Variants in TRAK2 observed in about 807,000 individuals in gnomAD.
The protein encoded by TRAK2 is trafficking kinesin protein 2.
In TRAK2, 81 loss-of-function variants were observed where a neutral mutation model predicts 104.6. That is an observed-to-expected ratio of 0.77 (90% confidence interval 0.65 to 0.93). The LOEUF (loss-of-function observed/expected upper bound fraction) is 0.93, where lower values mean the gene tolerates loss of function less well. Ranked by LOEUF, TRAK2 falls within the 40% of genes least tolerant of loss-of-function variation. The pLI is 0.00. For missense variants in TRAK2, 1,002 were observed against 1,089.0 expected (o/e 0.92, Z 1.12); for synonymous variants, 406 against 394.4 (o/e 1.03, Z -0.35).
intron 3 of TRAK2, among the ~76,000 whole-genome samples, chr2:201,404,974 T>G (rs1951580926): frequency 6.6e-6 from 1 of 152,200 alleles, no homozygotes; most frequent in Non-Finnish European, 1.5e-5. Context: ...TAGGGCAGTC[T>G]TTCTCAACAG....
Position 201,398,176 on chromosome 2 carries a change from A to T in TRAK2, c.659T>A (p.Leu220Gln). ...LEMLQEKLKELEEENMALRSK... is the reference protein window; with the variant it reads ...LEMLQEKLKEQEEENMALRSK... ...TCGAAGAGCCATATTCTCTTCTTCC[A>T]GTTCCTTGAGCTTTTCTTGCAGCAT... is the stretch of plus-strand genomic sequence containing the variant. Residue 220 changes from leucine to glutamine, a missense_variant, in exon 6 of 16, where the codon CTG becomes CAG. Physicochemically the swap from Leu to Gln is moderately radical, Grantham distance 113. Coordinates refer to ENST00000332624, the MANE Select transcript of TRAK2 (RefSeq NM_015049.3). 6.2e-7 allele frequency: 1 copy of T among 1,613,726 alleles called. No homozygotes were observed. The highest frequency in any genetic ancestry group is 1.1e-5 in the South Asian group (1 of 91,066).
At position 201,378,316 on chromosome 2, in the gene TRAK2, A is replaced by G. The variant is rs1951307089; in HGVS notation, c.*2227T>C. ...TTAGTCATTAATTATAAAAAAGTAT[A>G]CAAATTATACTCAATACAGAGCACG... is the stretch of plus-strand genomic sequence containing the variant. On this transcript the variant is annotated 3_prime_UTR_variant, in exon 16 of 16. Transcript: ENST00000332624. 6.6e-6 allele frequency: 1 copy of G among 152,170 alleles called. No homozygotes were observed. Among genetic ancestry groups the G allele is most frequent in the Non-Finnish European group, 1.5e-5 (1 of 68,038 alleles). The allele number at this position is 152,170 out of a possible 1,614,324, so 9.4% of individuals were successfully genotyped here.
intron 1 of TRAK2, chr2:201,423,729 T>C (rs1013749901): frequency 2.0e-5 from 3 of 152,188 alleles, no homozygotes; most frequent in African/African-American, 7.2e-5. Flanking sequence ...TTTACATGTC[T>C]TTTACTGAAA....
At chr2:201,399,608 G>A (rs762486814) in intron 4 of TRAK2, 115 bp from the exon 5 acceptor site, 90 of 689,734 alleles carry the variant, frequency 1.3e-4, no homozygotes, top group Non-Finnish European at 2.1e-4. Context: ...AAAGCATCAA[G>A]ATTCATTCAT....
At chr2:201,441,352 A>C (rs1429821496) in intron 1 of TRAK2, among the ~76,000 whole-genome samples, 2 of 152,230 alleles carry the variant, frequency 1.3e-5, no homozygotes, top group Non-Finnish European at 2.9e-5. Flanking sequence ...GTTTTATCAC[A>C]ATTTCCACTA....
In TRAK2 at chr2:201,392,909, C is replaced by G. The variant is rs780923503; in HGVS notation, c.1113G>C (p.Gly371=). The G allele has an allele frequency of 1.2e-6, 2 of 1,607,788 alleles. No individual in the cohort carries two copies. Among genetic ancestry groups the G allele is most frequent in the East Asian group, 4.5e-5 (2 of 44,796 alleles). Residue 371 remains glycine (G), a splice_region_variant and synonymous_variant, in exon 10 of 16, where the codon GGG becomes GGC. Transcript: ENST00000332624. ...YFSQSYGAFT[G]ESLAAEIEGT... is the part of the protein sequence containing the mutation. ...CATAGCATCTTTCTTAGTTGCTTAC[C>G]CCAGTAAAAGCTCCATATGATTGGG...
intron 1 of TRAK2, among the ~76,000 whole-genome samples, chr2:201,426,308 C>A (rs146063731): frequency 1.3e-5 from 2 of 152,276 alleles, no homozygotes; most frequent in African/African-American, 4.8e-5. Context: ...TTATGAGAAT[C>A]GAATGCCTGA....
At chr2:201,450,024 A>G (rs538325326) in intron 1 of TRAK2, among the ~76,000 whole-genome samples, 6 of 152,216 alleles carry the variant, frequency 3.9e-5, no homozygotes, top group African/African-American at 1.4e-4. Flanking sequence ...AACCTCTTCC[A>G]TCATATGAAT....
intron 1 of TRAK2, among the ~76,000 whole-genome samples, chr2:201,421,210 A>C (rs1951738109): frequency 6.6e-6 from 1 of 152,212 alleles, no homozygotes; most frequent in South Asian, 2.1e-4. Flanking sequence ...TTGCAGTAGC[A>C]TGAAGGCCAG....
intron 7 of TRAK2, among the ~76,000 whole-genome samples, chr2:201,396,842 T>A (rs189632522): frequency 6.6e-6 from 1 of 152,266 alleles, no homozygotes; most frequent in African/African-American, 2.4e-5. Flanking sequence ...ATCACGCTAC[T>A]CAGAATGGTT....
At chr2:201,395,288 T>C (rs1432865810) in intron 8 of TRAK2, 26 bp downstream of exon 8, 1 of 1,583,056 alleles carries the variant, frequency 6.3e-7, no homozygotes, top group South Asian at 1.1e-5. Flanking sequence ...TTAACAAATA[T>C]CTGTTGAATG....
chr2:201,446,028 G>A (rs1559457116), intron 1 of TRAK2, among the ~76,000 whole-genome samples: 1 of 152,178 alleles, frequency 6.6e-6, no homozygotes, highest in Non-Finnish European at 1.5e-5. Flanking sequence ...AACAGGACCT[G>A]TTAACTGATG....
rs1951426319 is a variant in TRAK2 at position 201,389,594 on chromosome 2, C to T, written c.1194-91G>A. 4 of 1,285,638 alleles carry T rather than the reference C, an allele frequency of 3.1e-6. No individual in the cohort carries two copies. The Admixed American group carries it at 5.4e-5, about 17-fold the overall frequency. The allele number at this position is 1,285,638 out of a possible 1,614,324, so 79.6% of individuals were successfully genotyped here. ...TATGTGCAGTCCATCAGAAATAAAG[C>T]CACCCTGAGGAGCTATTTAGGAGAA... On this transcript the variant is annotated intron_variant, in intron 11 of 15. Coordinates refer to ENST00000332624, the MANE Select transcript of TRAK2 (RefSeq NM_015049.3).
chr2:201,436,918 TAATTCTAG>T (rs1951883407), intron 1 of TRAK2, among the ~76,000 whole-genome samples: 1 of 152,210 alleles, frequency 6.6e-6, no homozygotes, highest in African/African-American at 2.4e-5. Context: ...TAAACACATA[TAATTCTAG>T]ATTTATTCTA....
In TRAK2 at chr2:201,381,144, A is replaced by G. The variant is rs773940822; in HGVS notation, c.2144T>C (p.Leu715Ser). Residue 715 changes from leucine (L) to serine (S), a missense_variant, in exon 16 of 16, where the codon TTG (leucine) becomes TCG (serine). Physicochemically the swap from Leu to Ser is moderately radical, Grantham distance 145 (BLOSUM62 -2). Transcript: ENST00000332624. ...SSNTAVNSPA[L>S]SYRLSIGESI... ...CTCACCAATGCTGAGTCTATAGGAC[A>G]AGGCAGGAGAATTCACAGCCGTGTT... is the stretch of plus-strand genomic sequence containing the variant. 7 of 1,613,880 alleles carry G rather than the reference A, an allele frequency of 4.3e-6. No homozygotes were observed. The Admixed American group carries it at 5.0e-5, about 12-fold the overall frequency.
chr2:201,386,585 CA>C, intron 13 of TRAK2, 101 bp from the exon 14 acceptor site: 2 of 1,405,474 alleles, frequency 1.4e-6, no homozygotes, highest in Middle Eastern at 2.6e-4. Flanking sequence ...ATAATGACAG[CA>C]ATAAAACTAT....
Position 201,378,877 on chromosome 2 carries a change from G to C in TRAK2, c.*1666C>G, listed in dbSNP as rs766486066. 5 of 152,188 alleles carry C rather than the reference G, an allele frequency of 3.3e-5. No individual in the cohort carries two copies. The highest frequency in any genetic ancestry group is 1.9e-4 in the East Asian group (1 of 5,204). 9.4% of individuals were successfully genotyped at this position (152,188 alleles called of 1,614,324 possible). A position where few individuals can be genotyped will look rare whatever the true frequency, so the allele number is the denominator to read the frequency against. On this transcript the variant is annotated 3_prime_UTR_variant, in exon 16 of 16. Transcript: ENST00000332624. ...GCTTTTTGAGCACATAGCTCTAAGT[G>C]GGGGGATGGCGGGGATGCCTCAAAA...
At chr2:201,407,731 AT>A in intron 2 of TRAK2, 134 bp from the exon 3 acceptor site, 1 of 724,168 alleles carries the variant, frequency 1.4e-6, no homozygotes, top group Non-Finnish European at 2.1e-6. Flanking sequence ...TTCTCCACTG[AT>A]TTTTATTAGT....
intron 1 of TRAK2, among the ~76,000 whole-genome samples, chr2:201,431,710 A>G (rs1466561527): frequency 2.0e-5 from 3 of 152,140 alleles, no homozygotes; most frequent in Admixed American, 6.5e-5. Flanking sequence ...CACAGGATCC[A>G]GGGATCAAGA....
Sources: gnomAD v4.1 joint callset for allele counts (sites outside exome capture counted in the v4.1 genomes callset) on GRCh38, gnomAD v4.1.1 for gene constraint, MANE v1.5 for transcripts, NCBI Gene and HGNC (gene_info 2026-07-23, HGNC 2026-07-21) for gene names.